LTBP2: variants seen among roughly 807,000 people sequenced by gnomAD.
The protein encoded by LTBP2 is latent-transforming growth factor beta-binding protein 2.
LTBP2 carries 103 observed loss-of-function variants against 210.6 expected under a neutral mutation model. The observed-to-expected ratio is 0.49, with a 90% confidence interval of 0.42 to 0.58. The LOEUF is 0.58. Among genes scored for constraint, LTBP2 ranks in the 20% least tolerant of loss-of-function variants. The pLI is 0.00. For missense variants in LTBP2, 2,313 were observed against 2,494.5 expected (o/e 0.93, Z 1.55); for synonymous variants, 1,007 against 1,015.0 (o/e 0.99, Z 0.15).
rs374869558 is a variant in LTBP2, at chr14:74,501,506, C to T, written c.5255G>A (p.Arg1752Gln). 29 of 1,614,072 alleles carry T rather than the reference C, an allele frequency of 1.8e-5. No homozygotes were observed. In the African/African-American group the frequency reaches 2.3e-4, roughly 13 times the overall value. ...GCENGRCVRV[R>Q]EGYTCDCFEG... is the part of the protein sequence containing the mutation. The stretch of plus-strand genomic sequence containing the variant: ...AAAACAGTCACAGGTGTAGCCCTCC[C>T]GCACGCGCACACAGCGGCCATTCTC... The change falls in exon 35 of 36, where the codon CGG becomes CAG. Residue 1752 changes from arginine (R) to glutamine (Q), a missense_variant. Physicochemically the swap from Arg to Gln is conservative, Grantham distance 43. Coordinates refer to ENST00000261978, the MANE Select transcript of LTBP2 (RefSeq NM_000428.3).
chr14:74,525,535 C>T (rs983627629), intron 14 of LTBP2, among the ~76,000 whole-genome samples: 1 of 152,234 alleles, frequency 6.6e-6, no homozygotes, highest in Non-Finnish European at 1.5e-5. Context: ...TCCTAATTCC[C>T]ACTTCAACAT....
rs1469852295 is a variant in LTBP2, at chr14:74,553,089, G to T, written c.1022-27C>A. 2.5e-6 allele frequency: 4 copies of T among 1,612,340 alleles called. No homozygotes were observed. The African/African-American group carries it at 5.3e-5, about 22-fold the overall frequency. Reference sequence around the variant, plus strand: ...TGCAGAGAGAGGGCTTGGGTCCAGGGGGCAGGGCTGAGAGGCACAGCTGTG... The same window carrying T: ...TGCAGAGAGAGGGCTTGGGTCCAGGTGGCAGGGCTGAGAGGCACAGCTGTG... On this transcript the variant is annotated intron_variant, in intron 4 of 35. Transcript: ENST00000261978.
chr14:74,501,509 A>C lies in LTBP2; in HGVS notation c.5252T>G (p.Val1751Gly). The change falls in exon 35 of 36, where the codon GTG becomes GGG. Residue 1751 changes from valine (V) to glycine (G), a missense_variant. By Grantham distance (109) the Val-to-Gly change is moderately radical. Around this residue, in one of 3 missense-constraint regions of LTBP2, gnomAD observed 443 missense variants for 501.4 expected, o/e 0.88. Coordinates refer to ENST00000261978, the MANE Select transcript of LTBP2 (RefSeq NM_000428.3). ...NGCENGRCVRVREGYTCDCFE... is the reference protein window; with the variant it reads ...NGCENGRCVRGREGYTCDCFE... ...ACAGTCACAGGTGTAGCCCTCCCGC[A>C]CGCGCACACAGCGGCCATTCTCACA... is the stretch of plus-strand genomic sequence containing the variant. 1 of 1,614,064 alleles carries C rather than the reference A, an allele frequency of 6.2e-7. No individual in the cohort carries two copies. The highest frequency in any genetic ancestry group is 8.5e-7 in the Non-Finnish European group (1 of 1,180,022).
At chr14:74,553,684 C>T (rs1312011566) in intron 4 of LTBP2, among the ~76,000 whole-genome samples, 1 of 151,930 alleles carries the variant, frequency 6.6e-6, no homozygotes, top group Non-Finnish European at 1.5e-5. Context: ...CTGGGGGGTC[C>T]GGAGGCAGGG....
At chr14:74,610,828 G>A (rs190168695) in intron 1 of LTBP2, among the ~76,000 whole-genome samples, 2 of 152,242 alleles carry the variant, frequency 1.3e-5, no homozygotes, top group East Asian at 1.9e-4. Flanking sequence ...TTCTCCACGC[G>A]CCCACTGTGT....
At chr14:74,550,000 C>T in intron 7 of LTBP2, 35 bp from the exon 8 acceptor site, 1 of 1,322,722 alleles carries the variant, frequency 7.6e-7, no homozygotes, top group Non-Finnish European at 1.1e-6. Context: ...TGTGACCACC[C>T]CCCTTCCCTC....
chr14:74,564,023 CTATATATATATTTATATATATATATT>C (rs1566640307), intron 3 of LTBP2, among the ~76,000 whole-genome samples: 5 of 48,220 alleles, frequency 1.0e-4, no homozygotes, highest in Non-Finnish European at 1.6e-4. Flanking sequence ...TAAACTGGTG[CTATATATATATTTATATATATATATT>C]TATATATATA....
At chr14:74,530,303 C>T (rs1467121446) in intron 10 of LTBP2, among the ~76,000 whole-genome samples, 1 of 152,138 alleles carries the variant, frequency 6.6e-6, no homozygotes, top group Non-Finnish European at 1.5e-5. Flanking sequence ...AGCTTTGAGA[C>T]TATTATTCCT....
chr14:74,568,828 C>T (rs751335493), intron 3 of LTBP2, among the ~76,000 whole-genome samples: 9 of 152,112 alleles, frequency 5.9e-5, no homozygotes, highest in Admixed American at 2.6e-4. Context: ...AACTATACTT[C>T]GGGACCTAGT....
At chr14:74,589,900 T>C (rs1386146074) in intron 2 of LTBP2, among the ~76,000 whole-genome samples, 1 of 152,086 alleles carries the variant, frequency 6.6e-6, no homozygotes, top group Non-Finnish European at 1.5e-5. Flanking sequence ...GTCATGCAGC[T>C]TCCACCTCTG....
At chr14:74,593,851 C>T (rs536299204) in intron 2 of LTBP2, among the ~76,000 whole-genome samples, 30 of 152,224 alleles carry the variant, frequency 2.0e-4, no homozygotes, top group Admixed American at 5.9e-4. Flanking sequence ...ACCCTTTCCC[C>T]AGGAAAGGGC....
intron 14 of LTBP2, 78 bp downstream of exon 14, chr14:74,525,997 A>G: frequency 6.9e-7 from 1 of 1,446,070 alleles, no homozygotes; most frequent in Admixed American, 1.9e-5. Context: ...CAGCTCACAC[A>G]TAGTAACTCC....
intron 8 of LTBP2, among the ~76,000 whole-genome samples, chr14:74,536,951 T>C (rs1217215897): frequency 6.6e-6 from 1 of 152,176 alleles, no homozygotes; most frequent in Admixed American, 6.5e-5. Flanking sequence ...TTCACATACA[T>C]AGTTATTACA....
At chr14:74,506,333 GAACC>G in intron 27 of LTBP2, 142 bp from the exon 28 acceptor site, 1 of 1,124,468 alleles carries the variant, frequency 8.9e-7, no homozygotes, top group Non-Finnish European at 1.3e-6. Flanking sequence ...TAGGGAGGAG[GAACC>G]AATGGACAGA....
At chr14:74,522,078 A>T in intron 16 of LTBP2, 39 bp from the exon 17 acceptor site, 1 of 1,594,986 alleles carries the variant, frequency 6.3e-7, no homozygotes, top group Non-Finnish European at 8.5e-7. Context: ...CAGGGGGGCC[A>T]GCGGTGCCGT....
intron 2 of LTBP2, among the ~76,000 whole-genome samples, chr14:74,591,498 A>G (rs138333315): frequency 1.1e-3 from 164 of 152,324 alleles, no homozygotes; most frequent in South Asian, 4.2e-3. Flanking sequence ...CAGAGGCCCA[A>G]TCTGCTGAGG....
intron 2 of LTBP2, among the ~76,000 whole-genome samples, chr14:74,594,138 A>G (rs59706456): frequency 0.16 from 23,658 of 152,074 alleles, 2,874 homozygotes; most frequent in African/African-American, 0.33. Context: ...TTACAGAGAT[A>G]AACAACCAAG....
At chr14:74,575,275 C>T (rs541902267) in intron 3 of LTBP2, among the ~76,000 whole-genome samples, 3 of 152,354 alleles carry the variant, frequency 2.0e-5, no homozygotes, top group South Asian at 2.1e-4. Flanking sequence ...GAGAGATGCA[C>T]GTTAACACTA....
At chr14:74,592,539 AC>A (rs1337172204) in intron 2 of LTBP2, among the ~76,000 whole-genome samples, 1 of 151,548 alleles carries the variant, frequency 6.6e-6, no homozygotes, top group Non-Finnish European at 1.5e-5. Context: ...TACAAAAAAA[AC>A]TTTAAAAATT....
Sources: allele counts gnomAD v4.1 joint callset (sites outside exome capture counted in the v4.1 genomes callset), GRCh38; gene constraint gnomAD v4.1.1; regional missense constraint gnomAD v4.1.1; transcripts MANE v1.5; gene names NCBI Gene and HGNC (gene_info 2026-07-23, HGNC 2026-07-21).